Variants in CNOT3 observed in about 807,000 individuals in gnomAD.
CNOT3 encodes the protein CCR4-NOT transcription complex subunit 3, also known as CCR4-associated factor 3.
CNOT3 carries 2 observed loss-of-function variants against 89.4 expected under a neutral mutation model. The observed-to-expected ratio is 0.02, with a 90% confidence interval of 0.01 to 0.07. The LOEUF (loss-of-function observed/expected upper bound fraction) is 0.07. Ranked by LOEUF, CNOT3 falls within the 10% of genes least tolerant of loss-of-function variation. The pLI is 1.00. For missense variants in CNOT3, 664 were observed against 1,010.2 expected, an observed-to-expected ratio of 0.66 and a Z score of 4.65; for synonymous variants, 486 against 402.0, an observed-to-expected ratio of 1.21 and a Z score of -2.50.
intron 1 of CNOT3, chr19:54,142,706 A>C: frequency 3.4e-6 from 2 of 588,930 alleles, no homozygotes; most frequent in South Asian, 4.2e-5. Flanking sequence ...AAAAGTATGT[A>C]ACTTTTCTTG....
At chr19:54,149,332 AC>A (rs1438649335) in intron 12 of CNOT3, among the ~76,000 whole-genome samples, 2 of 151,778 alleles carry the variant, frequency 1.3e-5, no homozygotes, top group Non-Finnish European at 2.9e-5. Context: ...GAGAATCCTC[AC>A]CCCCACCCCC....
intron 13 of CNOT3, among the ~76,000 whole-genome samples, chr19:54,151,144 A>G (rs780830052): frequency 2.0e-5 from 3 of 152,122 alleles, no homozygotes; most frequent in Non-Finnish European, 2.9e-5. Flanking sequence ...TTTTTCTGGA[A>G]AAAGGGAAAC....
chr19:54,143,980 C>A, intron 5 of CNOT3, 26 bp from the exon 6 acceptor site: 1 of 1,584,598 alleles, frequency 6.3e-7, no homozygotes, highest in East Asian at 2.2e-5. Context: ...CTTTGAGAGC[C>A]CCCCTGCCAA....
chr19:54,155,181 G>C, intron 17 of CNOT3, 128 bp from the exon 18 acceptor site: 3 of 1,036,446 alleles, frequency 2.9e-6, no homozygotes, highest in Non-Finnish European at 4.2e-6. Flanking sequence ...GAGTGTGTGC[G>C]TGCAGGGCAG....
rs2074561860 is a variant in CNOT3 at position 54,144,132 on chromosome 19, A to G, written c.385A>G (p.Thr129Ala). Residue 129 changes from threonine to alanine, a missense_variant and splice_region_variant, in exon 6 of 18, where the codon ACG becomes GCG. This residue lies in a region of CNOT3 where 37 missense variants were observed against 79.5 expected (regional missense o/e 0.47). Coordinates refer to ENST00000221232, the MANE Select transcript of CNOT3 (RefSeq NM_014516.4). This position sits in a 1 kb window ranked among gnomAD's most constrained non-coding sequence, Gnocchi z 4.8. ...GAAGGAAGAGGTTGGCCAGTGGCTC[A>G]CGGTGAGTTGGGGTAGAGAAGAGGA... The part of the protein sequence containing the change: ...KEKEEVGQWL[T>A]NTIDTLNMQV... The G allele has an allele frequency of 6.2e-7, 1 of 1,606,580 alleles. No homozygotes were observed. Among genetic ancestry groups the G allele is most frequent in the Non-Finnish European group, 8.5e-7 (1 of 1,175,880 alleles).
chr19:54,149,864 C>T (rs2074967316), intron 13 of CNOT3, 106 bp downstream of exon 13: 6 of 858,094 alleles, frequency 7.0e-6, no homozygotes, highest in Non-Finnish European at 1.0e-5. Flanking sequence ...CTGGATCTCT[C>T]TCTGGCTTTC....
At position 54,148,132 on chromosome 19, in the gene CNOT3, T is replaced by TCTCTCC; in HGVS notation, c.895-14_895-9dup. On this transcript the variant is annotated splice_polypyrimidine_tract_variant and intron_variant, in intron 10 of 17. Coordinates refer to ENST00000221232, the MANE Select transcript of CNOT3 (RefSeq NM_014516.4). The surrounding 1 kb of genome is among the most constrained non-coding windows in gnomAD (Gnocchi z 6.3). ...GGCCCACTGGGTCCTGACCCTCTGCTCTCTCCCACCCGCAGTCTCCAGCCA... is the reference window on the plus strand; with the variant it reads ...GGCCCACTGGGTCCTGACCCTCTGCTCTCTCCCTCTCCCACCCGCAGTCTCCAGCCA... 6.8e-7 allele frequency: 1 copy of TCTCTCC among 1,466,938 alleles called. No homozygotes were observed. Among genetic ancestry groups the TCTCTCC allele is most frequent in the Admixed American group, 2.6e-5 (1 of 38,584 alleles). The allele number at this position is 1,466,938 out of a possible 1,614,324, so 90.9% of individuals were successfully genotyped here. A position where few individuals can be genotyped will look rare whatever the true frequency, so the allele number is the denominator to read the frequency against.
chr19:54,150,613 GGAGGCAGTGTGCGCGCCCAGGCT>G (rs2075031079), intron 13 of CNOT3, among the ~76,000 whole-genome samples: 1 of 151,884 alleles, frequency 6.6e-6, no homozygotes, highest in Non-Finnish European at 1.5e-5. Flanking sequence ...AGGCTGTCCA[GGAGGCAGTGTGCGCGCCCAGGCT>G]GTCCAGGTCC....
Position 54,144,357 on chromosome 19 carries a change from T to C in CNOT3, c.483+25T>C. ...TGTGAGTGAGGGAGACCCGACACCT[T>C]TGGGATGGGGATGGGCATGGGAATG... On this transcript the variant is annotated intron_variant, in intron 7 of 17. Coordinates refer to ENST00000221232, the MANE Select transcript of CNOT3 (RefSeq NM_014516.4). This position sits in a 1 kb window ranked among gnomAD's most constrained non-coding sequence, Gnocchi z 4.8. 1 of 1,566,366 alleles carries C rather than the reference T, an allele frequency of 6.4e-7. No homozygotes were observed. Among genetic ancestry groups the C allele is most frequent in the Non-Finnish European group, 8.8e-7 (1 of 1,137,596 alleles).
Position 54,144,335 on chromosome 19 carries a change from G to C in CNOT3, c.483+3G>C. The C allele has an allele frequency of 6.2e-7, 1 of 1,609,920 alleles. No homozygotes were observed. The highest frequency in any genetic ancestry group is 1.1e-5 in the South Asian group (1 of 90,960). ...GCAAGAAGAAGGGCGACAAGGATGT[G>C]AGTGAGGGAGACCCGACACCTTTGG... On this transcript the variant is annotated splice_donor_region_variant and intron_variant, in intron 7 of 17. Coordinates refer to ENST00000221232, the MANE Select transcript of CNOT3 (RefSeq NM_014516.4). The surrounding 1 kb of genome is among the most constrained non-coding windows in gnomAD (Gnocchi z 4.8).
Position 54,143,753 on chromosome 19 carries a change from G to C in CNOT3, c.258+4G>C, listed in dbSNP as rs1366947120. 105 of 1,613,194 alleles carry C rather than the reference G, an allele frequency of 6.5e-5. No homozygotes were observed. The highest frequency in any genetic ancestry group is 8.7e-5 in the Non-Finnish European group (103 of 1,179,552). On this transcript the variant is annotated splice_donor_region_variant and intron_variant, in intron 5 of 17. Transcript: ENST00000221232. The stretch of plus-strand genomic sequence containing the variant: ...CAACCGCAAGCTCATTGAGACGGTA[G>C]GAGCCCAGAGCCTGAGTCCCAGAGA...
At chr19:54,154,427 A>C in intron 17 of CNOT3, 1 of 218,056 alleles carries the variant, frequency 4.6e-6, no homozygotes, top group South Asian at 6.9e-5. Context: ...TATCTGTAAA[A>C]ATGGGGGGAA....
chr19:54,148,384 A>G lies in CNOT3; in HGVS notation c.1131A>G (p.Pro377=), dbSNP rs2074808435. 6.4e-7 allele frequency: 1 copy of G among 1,562,856 alleles called. No homozygotes were observed. The highest frequency in any genetic ancestry group is 1.4e-5 in the African/African-American group (1 of 73,678). ...CTCCCTATGCCCAGGCTGTGGCCCC[A>G]CCAGCTCCCAGTGGGCCCAGCACGA... is the stretch of plus-strand genomic sequence containing the variant. ...TPAPYAQAVA[P]PAPSGPSTTQ... The change falls in exon 11 of 18, where the codon CCA becomes CCG. Residue 377 remains proline, a synonymous_variant. Transcript: ENST00000221232. The surrounding 1 kb of genome is among the most constrained non-coding windows in gnomAD (Gnocchi z 6.3).
chr19:54,148,230 G>GC lies in CNOT3; in HGVS notation c.983dup (p.Pro329AlafsTer68), dbSNP rs1320255270. On this transcript the variant is annotated frameshift_variant, in exon 11 of 18. Transcript: ENST00000221232. LOFTEE classifies it high-confidence loss of function. The surrounding 1 kb of genome is among the most constrained non-coding windows in gnomAD (Gnocchi z 6.3). Reference sequence around the variant, plus strand: ...GCTGTGCCGCCCACCTACCCCTCCGGCCCCCCGCCTGCTGCCTCTGCCTTG... The same window carrying GC: ...GCTGTGCCGCCCACCTACCCCTCCGGCCCCCCCGCCTGCTGCCTCTGCCTTG... The GC allele has an allele frequency of 1.3e-6, 2 of 1,597,574 alleles. No individual in the cohort carries two copies.
In CNOT3 at chr19:54,143,405, C is replaced by T. The variant is rs754418680; in HGVS notation, c.94-37C>T. 4.4e-6 allele frequency: 7 copies of T among 1,595,852 alleles called. No homozygotes were observed. In the Admixed American group the frequency reaches 6.7e-5, roughly 15 times the overall value. The stretch of plus-strand genomic sequence containing the variant: ...ACTGGAGTGGGTACTGGGACATCCC[C>T]TCCCACACTGACTTCTCAATTCTCT... On this transcript the variant is annotated intron_variant, in intron 3 of 17. Transcript: ENST00000221232.
rs1197158851 is a variant in CNOT3 at position 54,145,482 on chromosome 19, G to A, written c.484-116G>A. On this transcript the variant is annotated intron_variant, in intron 7 of 17. Coordinates refer to ENST00000221232, the MANE Select transcript of CNOT3 (RefSeq NM_014516.4). This position sits in a 1 kb window ranked among gnomAD's most constrained non-coding sequence, Gnocchi z 5.9. Reference sequence around the variant, plus strand: ...ATACTGCCCCACCCCGAAGGGGATGGCGTGGAGGCTTTGGGTCTCCACAGG... The same window carrying A: ...ATACTGCCCCACCCCGAAGGGGATGACGTGGAGGCTTTGGGTCTCCACAGG... 7.1e-6 allele frequency: 5 copies of A among 704,228 alleles called. No individual in the cohort carries two copies. Among genetic ancestry groups the A allele is most frequent in the Non-Finnish European group, 1.3e-5 (5 of 395,324 alleles). 43.6% of individuals were successfully genotyped at this position (704,228 alleles called of 1,614,324 possible).
At position 54,155,348 on chromosome 19, in the gene CNOT3, C is replaced by G. The variant is rs1396149563; in HGVS notation, c.2203C>G (p.Arg735Gly). 1 of 1,612,848 alleles carries G rather than the reference C, an allele frequency of 6.2e-7. No individual in the cohort carries two copies. Among genetic ancestry groups the G allele is most frequent in the African/African-American group, 1.3e-5 (1 of 75,032 alleles). The change falls in exon 18 of 18, where the codon CGG (arginine) becomes GGG (glycine). Residue 735 changes from arginine (R) to glycine (G), a missense_variant. By Grantham distance (125) the Arg-to-Gly change is moderately radical. This residue lies in a region of CNOT3 where 13 missense variants were observed against 44.3 expected (regional missense o/e 0.29). Transcript: ENST00000221232. ...CTTTGACTACGAGAAGTGGGGCCAG[C>G]GGAAGAAGGAAGGCTTCACCTTTGA... is the stretch of plus-strand genomic sequence containing the variant. ...IYFDYEKWGQ[R>G]KKEGFTFEYR...
chr19:54,151,579 G>A (rs1240462910), intron 13 of CNOT3, among the ~76,000 whole-genome samples: 1 of 152,226 alleles, frequency 6.6e-6, no homozygotes, highest in African/African-American at 2.4e-5. Context: ...TCCAGCACAG[G>A]GCTGGGGTTT....
chr19:54,143,921 G>A (rs900146978), intron 5 of CNOT3, 85 bp from the exon 6 acceptor site: 16 of 1,551,292 alleles, frequency 1.0e-5, no homozygotes, highest in African/African-American at 4.2e-5. Context: ...GTAGGGTCAC[G>A]AGGCTCAGGT....
Sources: gnomAD v4.1 joint callset for allele counts (sites outside exome capture counted in the v4.1 genomes callset) on GRCh38, gnomAD v4.1.1 for gene constraint, gnomAD v4.1.1 regional missense constraint, Gnocchi (gnomAD v3.1) non-coding constraint, MANE v1.5 for transcripts, NCBI Gene and HGNC (gene_info 2026-07-23, HGNC 2026-07-21) for gene names.